Variants in FBXW4 observed in about 807,000 individuals in gnomAD.
FBXW4 encodes the protein F-box and WD repeat domain containing 4.
Under a neutral mutation model 61.8 loss-of-function variants are expected in FBXW4, and 40 were observed. The observed-to-expected ratio is 0.65, with a 90% confidence interval of 0.50 to 0.84. The LOEUF (loss-of-function observed/expected upper bound fraction) is 0.84. FBXW4 is among the 40% of genes least tolerant of loss of function. The pLI is 0.00. For synonymous variants in FBXW4, 311 were observed against 313.8 expected, an observed-to-expected ratio of 0.99 and a Z score of 0.10; for missense variants, 672 against 753.8, an observed-to-expected ratio of 0.89 and a Z score of 1.27.
chr10:101,638,348 C>G (rs2064022268), intron 5 of FBXW4, among the ~76,000 whole-genome samples: 1 of 152,124 alleles, frequency 6.6e-6, no homozygotes, highest in Non-Finnish European at 1.5e-5. Flanking sequence ...GAAATTCAAG[C>G]TGCAGAACAA....
At chr10:101,667,272 A>G (rs2064312289) in intron 5 of FBXW4, among the ~76,000 whole-genome samples, 1 of 151,822 alleles carries the variant, frequency 6.6e-6, no homozygotes, top group Middle Eastern at 3.4e-3. Flanking sequence ...TAAATATAAA[A>G]TAAAATAAAT....
chr10:101,683,320 C>T (rs972635773), intron 1 of FBXW4, among the ~76,000 whole-genome samples: 1 of 152,244 alleles, frequency 6.6e-6, no homozygotes, highest in African/African-American at 2.4e-5. Flanking sequence ...GACCTGGCCC[C>T]GTGGGCCTGG....
intron 5 of FBXW4, among the ~76,000 whole-genome samples, chr10:101,659,248 G>A (rs932508224): frequency 6.6e-6 from 1 of 152,188 alleles, no homozygotes; most frequent in Non-Finnish European, 1.5e-5. Context: ...CCCAGGGCAT[G>A]AGGGTGTCCA....
rs536028867 is a variant in FBXW4, at chr10:101,649,325, T to C, written c.1235+18561A>G. Reference sequence around the variant, plus strand: ...AGCCCAGGGAAGTCACAGTGCTTTCTACAATCCGGGAGCCCCAGCCTAACC... The same window carrying C: ...AGCCCAGGGAAGTCACAGTGCTTTCCACAATCCGGGAGCCCCAGCCTAACC... On this transcript the variant is annotated intron_variant, in intron 5 of 8. Transcript: ENST00000331272. 1.0e-3 allele frequency among the ~76,000 whole-genome samples: 158 copies of C among 152,296 alleles called. 1 individual carries two copies. Among genetic ancestry groups the C allele is most frequent in the African/African-American group, 3.7e-3 (155 of 41,562 alleles).
At chr10:101,646,862 A>G (rs1163941392) in intron 5 of FBXW4, among the ~76,000 whole-genome samples, 1 of 152,242 alleles carries the variant, frequency 6.6e-6, no homozygotes, top group African/African-American at 2.4e-5. Context: ...AATAGCCTAC[A>G]GTGATCCCAC....
intron 6 of FBXW4, among the ~76,000 whole-genome samples, chr10:101,624,125 G>T (rs551476268): frequency 6.6e-6 from 1 of 151,894 alleles, no homozygotes; most frequent in South Asian, 2.1e-4. Flanking sequence ...CACACAGAGT[G>T]CAATCTGAAT....
At chr10:101,683,049 A>T (rs1009774805) in intron 1 of FBXW4, among the ~76,000 whole-genome samples, 1 of 152,192 alleles carries the variant, frequency 6.6e-6, no homozygotes, top group African/African-American at 2.4e-5. Flanking sequence ...TTCTCTGAAA[A>T]CAGGTATCCC....
intron 1 of FBXW4, among the ~76,000 whole-genome samples, chr10:101,678,277 T>C (rs778642988): frequency 3.3e-5 from 5 of 152,210 alleles, no homozygotes; most frequent in Non-Finnish European, 7.3e-5. Flanking sequence ...AGCAAGAATT[T>C]GAAAATTCCA....
chr10:101,632,684 G>A (rs2063968845), intron 5 of FBXW4, among the ~76,000 whole-genome samples: 1 of 152,150 alleles, frequency 6.6e-6, no homozygotes, highest in African/African-American at 2.4e-5. Context: ...TAAGGTGTTG[G>A]GAGCTGCAGG....
chr10:101,615,033 C>T (rs1177203359), intron 6 of FBXW4, among the ~76,000 whole-genome samples: 2 of 144,494 alleles, frequency 1.4e-5, no homozygotes, highest in African/African-American at 4.9e-5. Flanking sequence ...TCCTCATCCC[C>T]TCCTCCTGGG....
At chr10:101,657,544 G>C (rs1184886681) in intron 5 of FBXW4, among the ~76,000 whole-genome samples, 1 of 139,016 alleles carries the variant, frequency 7.2e-6, no homozygotes, top group East Asian at 2.3e-4. Flanking sequence ...TGAGGCAAGA[G>C]AATCACTTGA....
rs775928431 is a variant in FBXW4 at position 101,694,509 on chromosome 10, G to C, written c.597C>G (p.Asp199Glu). 4 of 1,518,912 alleles carry C rather than the reference G, an allele frequency of 2.6e-6. No homozygotes were observed. Among genetic ancestry groups the C allele is most frequent in the Non-Finnish European group, 3.5e-6 (4 of 1,143,074 alleles). The allele number at this position is 1,518,912 out of a possible 1,614,324, so 94.1% of individuals were successfully genotyped here. Residue 199 changes from aspartate to glutamate, a missense_variant, in exon 1 of 9, where the codon GAC becomes GAG. By Grantham distance (45) the Asp-to-Glu change is conservative (BLOSUM62 2). This residue lies in a region of FBXW4 where 311 missense variants were observed against 301.1 expected (regional missense o/e 1.03). Transcript: ENST00000331272. The surrounding 1 kb of genome is among the most constrained non-coding windows in gnomAD (Gnocchi z 6.0). ...GGGCCAGGCGGCCGAGGGCCCGCATGTCCAGGTAGGAGCAGATGAGCAGCA... is the reference window on the plus strand; with the variant it reads ...GGGCCAGGCGGCCGAGGGCCCGCATCTCCAGGTAGGAGCAGATGAGCAGCA... ...ELLLLICSYL[D>E]MRALGRLAQV...
chr10:101,680,259 T>C (rs914810431), intron 1 of FBXW4, among the ~76,000 whole-genome samples: 14 of 152,150 alleles, frequency 9.2e-5, no homozygotes. Context: ...AATATATACA[T>C]ATTTCAATGA....
intron 5 of FBXW4, among the ~76,000 whole-genome samples, chr10:101,637,615 T>C (rs1424316520): frequency 2.8e-5 from 4 of 141,310 alleles, no homozygotes; most frequent in Non-Finnish European, 6.0e-5. Context: ...AGCTGAGGCA[T>C]GAGAATTGTG....
At position 101,673,662 on chromosome 10, in the gene FBXW4, C is replaced by T; in HGVS notation, c.833G>A (p.Trp278Ter). 6.2e-7 allele frequency: 1 copy of T among 1,613,186 alleles called. No homozygotes were observed. Among genetic ancestry groups the T allele is most frequent in the Non-Finnish European group, 8.5e-7 (1 of 1,179,164 alleles). Residue 278 changes from tryptophan (W) to a stop codon, truncating the protein, a stop_gained, in exon 3 of 9, where the codon TGG (tryptophan) becomes TAG (stop). Coordinates refer to ENST00000331272, the MANE Select transcript of FBXW4 (RefSeq NM_022039.4). LOFTEE classifies it high-confidence loss of function. ...CAGAGAATCATCCTCTAGCTGCATCCAGGGCATCTGACTGAAATGATGGAA... is the reference window on the plus strand; with the variant it reads ...CAGAGAATCATCCTCTAGCTGCATCTAGGGCATCTGACTGAAATGATGGAA... ...LLKWRCSQMPWMQLEDDSLYI... is the reference protein window; with the variant it reads ...LLKWRCSQMP
At chr10:101,664,525 G>A (rs2064278786) in intron 5 of FBXW4, among the ~76,000 whole-genome samples, 1 of 152,210 alleles carries the variant, frequency 6.6e-6, no homozygotes, top group Non-Finnish European at 1.5e-5. Context: ...ATACTCAACA[G>A]GAATGGTGGC....
intron 5 of FBXW4, among the ~76,000 whole-genome samples, chr10:101,647,853 T>A (rs2064114351): frequency 6.6e-6 from 1 of 152,206 alleles, no homozygotes; most frequent in African/African-American, 2.4e-5. Context: ...GCTGCTGACT[T>A]GAGGTACCTG....
Position 101,673,501 on chromosome 10 carries a change from C to A in FBXW4, c.994G>T (p.Val332Phe). The A allele has an allele frequency of 6.2e-7, 1 of 1,613,960 alleles. No individual in the cohort carries two copies. The highest frequency in any genetic ancestry group is 8.5e-7 in the Non-Finnish European group (1 of 1,179,866). The change falls in exon 3 of 9, where the codon GTT becomes TTT. Residue 332 changes from valine to phenylalanine, a missense_variant. By Grantham distance (50) the Val-to-Phe change is conservative. Transcript: ENST00000331272. ...TATAGCACTTACCCTCCTGCACTAACAATATGCGAGTTGGCCAGCACAAAG... is the reference window on the plus strand; with the variant it reads ...TATAGCACTTACCCTCCTGCACTAAAAATATGCGAGTTGGCCAGCACAAAG... ...CHFVLANSHI[V>F]SAGGDGKIGI...
chr10:101,694,699 C>G lies in FBXW4; in HGVS notation c.407G>C (p.Gly136Ala). 4.4e-6 allele frequency: 6 copies of G among 1,376,346 alleles called. No homozygotes were observed. The highest frequency in any genetic ancestry group is 4.7e-6 in the Non-Finnish European group (5 of 1,073,198). 85.3% of individuals were successfully genotyped at this position (1,376,346 alleles called of 1,614,324 possible). Residue 136 changes from glycine to alanine, a missense_variant, in exon 1 of 9, where the codon GGA becomes GCA. Transcript: ENST00000331272. This position sits in a 1 kb window ranked among gnomAD's most constrained non-coding sequence, Gnocchi z 6.0. ...RARRREGARP[G>A]RAQGRGGQAW... Reference sequence around the variant, plus strand: ...CTGACCCCCTCGTCCCTGTGCTCTTCCCGGCCTGGCGCCCTCCCGCCGCCT... The same window carrying G: ...CTGACCCCCTCGTCCCTGTGCTCTTGCCGGCCTGGCGCCCTCCCGCCGCCT...
Sources: allele counts gnomAD v4.1 joint callset (sites outside exome capture counted in the v4.1 genomes callset), GRCh38; gene constraint gnomAD v4.1.1; regional missense constraint gnomAD v4.1.1; non-coding constraint Gnocchi (gnomAD v3.1); transcripts MANE v1.5; gene names NCBI Gene and HGNC (gene_info 2026-07-23, HGNC 2026-07-21).